The following AGBL1 variants were observed in gnomAD, a reference collection of about 807,000 sequenced individuals.
The protein encoded by AGBL1 is cytosolic carboxypeptidase 4.
AGBL1 carries 130 observed loss-of-function variants against 118.9 expected under a neutral mutation model. That is an observed-to-expected ratio of 1.09 (90% CI 0.95 to 1.26). The LOEUF (loss-of-function observed/expected upper bound fraction) is 1.26, where lower values mean the gene tolerates loss of function less well. Among genes scored for constraint, AGBL1 ranks in the 50% most tolerant of loss-of-function variants. AGBL1 has a pLI of 0.00. For missense variants in AGBL1, 1,584 were observed against 1,298.1 expected, an observed-to-expected ratio of 1.22 and a Z score of -3.38; for synonymous variants, 555 against 478.9, an observed-to-expected ratio of 1.16 and a Z score of -2.08.
At chr15:86,215,514 A>C (rs2078173650) in intron 5 of AGBL1, among the ~76,000 whole-genome samples, 1 of 151,996 alleles carries the variant, frequency 6.6e-6, no homozygotes, top group East Asian at 1.9e-4. Flanking sequence ...AAATCTCTCC[A>C]AAAAAGCTCG....
chr15:86,303,130 G>A (rs574881386), intron 17 of AGBL1, among the ~76,000 whole-genome samples: 2 of 152,286 alleles, frequency 1.3e-5, no homozygotes, highest in South Asian at 4.1e-4. Flanking sequence ...TCTGCCATTT[G>A]TTAACTTTAT....
At chr15:86,993,753 A>T (rs1415216533) in intron 24 of AGBL1, among the ~76,000 whole-genome samples, 1 of 152,182 alleles carries the variant, frequency 6.6e-6, no homozygotes, top group African/African-American at 2.4e-5. Context: ...CTTTGCCTGA[A>T]GCCAGATTTC....
At chr15:86,185,014 C>A (rs1258916414) in intron 5 of AGBL1, among the ~76,000 whole-genome samples, 1 of 152,170 alleles carries the variant, frequency 6.6e-6, no homozygotes, top group Non-Finnish European at 1.5e-5. Flanking sequence ...GTCTACTCAT[C>A]TGAAAGGGCT....
chr15:86,702,099 A>G (rs543645180), intron 22 of AGBL1, among the ~76,000 whole-genome samples: 1 of 151,936 alleles, frequency 6.6e-6, no homozygotes, highest in African/African-American at 2.4e-5. Context: ...TCCTATCCAT[A>G]GCTCCAATCC....
At chr15:86,331,728 T>C (rs1172989658) in intron 17 of AGBL1, among the ~76,000 whole-genome samples, 1 of 152,158 alleles carries the variant, frequency 6.6e-6, no homozygotes, top group Non-Finnish European at 1.5e-5. Context: ...AAATAAAATG[T>C]TTTTCAGAAT....
At chr15:86,092,133 C>A (rs558507617) in intron 1 of AGBL1, among the ~76,000 whole-genome samples, 1 of 152,136 alleles carries the variant, frequency 6.6e-6, no homozygotes, top group Non-Finnish European at 1.5e-5. Context: ...CTTGTCCTCC[C>A]AGATATGAAG....
intron 22 of AGBL1, among the ~76,000 whole-genome samples, chr15:86,711,774 G>GTGT (rs2086562782): frequency 6.6e-6 from 1 of 152,186 alleles, no homozygotes; most frequent in Non-Finnish European, 1.5e-5. Context: ...GGCAGAGTAT[G>GTGT]TGTTTCCTGA....
intron 18 of AGBL1, among the ~76,000 whole-genome samples, chr15:86,477,005 C>T (rs1349792552): frequency 6.6e-6 from 1 of 152,114 alleles, no homozygotes; most frequent in African/African-American, 2.4e-5. Flanking sequence ...GAAATGAAGG[C>T]AGAAAAAAAG....
At chr15:86,198,371 G>C (rs1039235535) in intron 5 of AGBL1, among the ~76,000 whole-genome samples, 3 of 152,186 alleles carry the variant, frequency 2.0e-5, no homozygotes, top group Admixed American at 2.0e-4. Flanking sequence ...AATTAGATGA[G>C]AATTTGGACT....
chr15:86,787,405 A>G (rs1159558483), intron 22 of AGBL1, among the ~76,000 whole-genome samples: 1 of 152,092 alleles, frequency 6.6e-6, no homozygotes, highest in Non-Finnish European at 1.5e-5. Flanking sequence ...TTGTACCCTT[A>G]AATCTATATC....
chr15:86,143,159 T>G (rs1290460409), intron 2 of AGBL1, among the ~76,000 whole-genome samples: 2 of 152,202 alleles, frequency 1.3e-5, no homozygotes, highest in African/African-American at 2.4e-5. Context: ...ATTCCCTAGA[T>G]AGGATGATTG....
intron 18 of AGBL1, among the ~76,000 whole-genome samples, chr15:86,439,356 C>T (rs1375343418): frequency 4.6e-5 from 7 of 152,164 alleles, no homozygotes; most frequent in African/African-American, 1.7e-4. Context: ...TGATATCCCA[C>T]ACTTAGAGAT....
intron 22 of AGBL1, among the ~76,000 whole-genome samples, chr15:86,762,853 T>C (rs1364095927): frequency 1.3e-5 from 2 of 151,870 alleles, no homozygotes; most frequent in Non-Finnish European, 2.9e-5. Context: ...GATAGTTGAG[T>C]GTGTTGTAAA....
chr15:86,470,141 A>G (rs1430840207), intron 18 of AGBL1, among the ~76,000 whole-genome samples: 4 of 152,166 alleles, frequency 2.6e-5, no homozygotes, highest in East Asian at 1.9e-4. Flanking sequence ...GCCAAGCATC[A>G]TGGTCCAGAC....
chr15:86,653,952 C>G (rs1055927184), intron 21 of AGBL1, among the ~76,000 whole-genome samples: 12 of 152,072 alleles, frequency 7.9e-5, no homozygotes, highest in African/African-American at 2.9e-4. Context: ...TAAATGAAAG[C>G]AGATTAGAGC....
At chr15:86,211,496 A>G (rs1035226134) in intron 5 of AGBL1, among the ~76,000 whole-genome samples, 41 of 152,202 alleles carry the variant, frequency 2.7e-4, no homozygotes, top group Non-Finnish European at 4.1e-4. Context: ...AGCTCCACCC[A>G]GTTCAAGCTT....
intron 1 of AGBL1, among the ~76,000 whole-genome samples, chr15:86,097,508 A>AGCTAATCTCTATTTCCATG (rs1304662754): frequency 6.6e-6 from 1 of 150,916 alleles, no homozygotes; most frequent in Admixed American, 6.6e-5. Flanking sequence ...ATAATCAACA[A>AGCTAATCTCTATTTCCATG]GCTAATCTCT....
intron 18 of AGBL1, among the ~76,000 whole-genome samples, chr15:86,439,188 A>G (rs1477235524): frequency 6.6e-6 from 1 of 152,108 alleles, no homozygotes; most frequent in Non-Finnish European, 1.5e-5. Flanking sequence ...TTGTGTTGCT[A>G]GTGTCCCCAG....
intron 21 of AGBL1, among the ~76,000 whole-genome samples, chr15:86,584,407 G>A (rs536688251): frequency 2.4e-4 from 36 of 152,052 alleles, no homozygotes; most frequent in African/African-American, 7.2e-4. Context: ...TGTATGTGGC[G>A]ATCCAGGTAG....
Sources: gnomAD v4.1 joint callset for allele counts (sites outside exome capture counted in the v4.1 genomes callset) on GRCh38, gnomAD v4.1.1 for gene constraint, MANE v1.5 for transcripts, NCBI Gene and HGNC (gene_info 2026-07-23, HGNC 2026-07-21) for gene names.